The following MAPKBP1 variants were observed in gnomAD, a reference collection of about 807,000 sequenced individuals.
MAPKBP1 encodes mitogen-activated protein kinase binding protein 1.
MAPKBP1 carries 71 observed loss-of-function variants against 170.5 expected under a neutral mutation model. That is an observed-to-expected ratio of 0.42 (90% confidence interval 0.34 to 0.51). MAPKBP1 has a LOEUF of 0.51. Among genes scored for constraint, MAPKBP1 ranks in the 20% least tolerant of loss-of-function variants. MAPKBP1 has a pLI of 0.06. For synonymous variants in MAPKBP1, 719 were observed against 757.9 expected, an observed-to-expected ratio of 0.95 and a Z score of 0.84; for missense variants, 1,598 against 1,933.0, an observed-to-expected ratio of 0.83 and a Z score of 3.25.
At chr15:41,796,486 A>G (rs1218088086) in intron 2 of MAPKBP1, among the ~76,000 whole-genome samples, 1 of 152,194 alleles carries the variant, frequency 6.6e-6, no homozygotes, top group Non-Finnish European at 1.5e-5. Context: ...AGCTCAACGC[A>G]AAACCTCCCT....
chr15:41,779,719 A>G (rs2064153031), intron 2 of MAPKBP1, among the ~76,000 whole-genome samples: 1 of 152,146 alleles, frequency 6.6e-6, no homozygotes, highest in South Asian at 2.1e-4. Flanking sequence ...AGTGTTCAAT[A>G]CACACGCTCT....
At chr15:41,806,646 G>A (rs1164229407) in intron 3 of MAPKBP1, among the ~76,000 whole-genome samples, 2 of 152,228 alleles carry the variant, frequency 1.3e-5, no homozygotes. Flanking sequence ...CCTTCTGTGA[G>A]AGTGAGCAGC....
chr15:41,824,186 C>T (rs1256651024), intron 29 of MAPKBP1, 125 bp downstream of exon 29: 1 of 1,331,646 alleles, frequency 7.5e-7, no homozygotes, highest in East Asian at 2.3e-5. Flanking sequence ...CTGTCTGCTC[C>T]TGTCGCAGGT....
chr15:41,819,557 G>GGGGGCCCC, intron 21 of MAPKBP1, 38 bp from the exon 22 acceptor site: 1 of 1,384,604 alleles, frequency 7.2e-7, no homozygotes. Flanking sequence ...CGGGGGGGGG[G>GGGGGCCCC]CAGGAGACAC....
chr15:41,822,027 G>A lies in MAPKBP1; in HGVS notation c.2948G>A (p.Ser983Asn). Residue 983 changes from serine (S) to asparagine (N), a missense_variant, in exon 25 of 31, where the codon AGC (serine) becomes AAC (asparagine). Ser to Asn is a conservative substitution (Grantham distance 46). Around this residue, in one of 6 missense-constraint regions of MAPKBP1, gnomAD observed 942 missense variants for 953.2 expected, o/e 0.99. Coordinates refer to ENST00000457542, the MANE Select transcript of MAPKBP1 (RefSeq NM_014994.3). ...GGAAGAGTGTACCCAGGCAGCAGGA[G>A]CTCAGAAAAGCACAGCCCTGACAGT... is the stretch of plus-strand genomic sequence containing the variant. ...TLGRVYPGSRSSEKHSPDSAC... is the reference protein window; with the variant it reads ...TLGRVYPGSRNSEKHSPDSAC... The A allele has an allele frequency of 6.2e-7, 1 of 1,609,656 alleles. No individual in the cohort carries two copies. The highest frequency in any genetic ancestry group is 8.5e-7 in the Non-Finnish European group (1 of 1,177,952).
intron 29 of MAPKBP1, 78 bp downstream of exon 29, chr15:41,824,139 C>T (rs1189010035): frequency 6.6e-7 from 1 of 1,505,638 alleles, no homozygotes; most frequent in Non-Finnish European, 8.9e-7. Context: ...CTGGCTCCAT[C>T]CCATTTCTGT....
chr15:41,823,361 G>A, intron 28 of MAPKBP1, 86 bp from the exon 29 acceptor site: 1 of 1,549,856 alleles, frequency 6.5e-7, no homozygotes, highest in South Asian at 1.2e-5. Flanking sequence ...ATGTGGAGGG[G>A]AACAGCAGCT....
intron 12 of MAPKBP1, 53 bp from the exon 13 acceptor site, chr15:41,816,506 G>A (rs2064893951): frequency 1.6e-6 from 2 of 1,288,842 alleles, no homozygotes; most frequent in Non-Finnish European, 2.3e-6. Context: ...GGGGGCGTGA[G>A]TCCTTCCTGC....
chr15:41,824,631 T>C (rs753531670), intron 30 of MAPKBP1, 62 bp downstream of exon 30: 62 of 1,452,774 alleles, frequency 4.3e-5, no homozygotes, highest in Non-Finnish European at 5.4e-5. Context: ...GTGTTTCGGA[T>C]AACCATGTCC....
At chr15:41,819,547 C>CGGGGGGGGGGGGGGGGGGGGGGGGGGGG in intron 21 of MAPKBP1, 48 bp from the exon 22 acceptor site, 1 of 1,228,204 alleles carries the variant, frequency 8.1e-7, no homozygotes, top group Non-Finnish European at 1.1e-6. Flanking sequence ...GGTTGGGTGG[C>CGGGGGGGGGGGGGGGGGGGGGGGGGGGG]GGGGGGGGGG....
chr15:41,785,112 CT>C (rs2064261514), intron 2 of MAPKBP1, among the ~76,000 whole-genome samples: 1 of 152,128 alleles, frequency 6.6e-6, no homozygotes, highest in Non-Finnish European at 1.5e-5. Flanking sequence ...GTTGCTAATA[CT>C]ATCAGTGTCT....
Position 41,817,529 on chromosome 15 carries a change from A to G in MAPKBP1, c.1782+71A>G. 6.2e-7 allele frequency: 1 copy of G among 1,613,644 alleles called. No homozygotes were observed. Among genetic ancestry groups the G allele is most frequent in the South Asian group, 1.1e-5 (1 of 91,076 alleles). On this transcript the variant is annotated intron_variant, in intron 15 of 30. Transcript: ENST00000457542. The surrounding 1 kb of genome is among the most constrained non-coding windows in gnomAD (Gnocchi z 4.2). ...CTGCCATTCCCTGCCTAAGGTTACA[A>G]GAGGTGAAGGGAGGCGCAAGTAGGG...
At chr15:41,819,764 T>G in intron 22 of MAPKBP1, 114 bp downstream of exon 22, 1 of 1,052,192 alleles carries the variant, frequency 9.5e-7, no homozygotes, top group South Asian at 1.5e-5. Context: ...GCCCACATGC[T>G]GCACTCGTGT....
At chr15:41,822,193 G>A (rs1447618595) in intron 25 of MAPKBP1, 32 bp from the exon 26 acceptor site, 1 of 1,606,904 alleles carries the variant, frequency 6.2e-7, no homozygotes, top group South Asian at 1.1e-5. Flanking sequence ...GATGGGTGCA[G>A]TGCGATGCCT....
At chr15:41,797,654 G>C (rs1197970779) in intron 2 of MAPKBP1, among the ~76,000 whole-genome samples, 2 of 152,134 alleles carry the variant, frequency 1.3e-5, no homozygotes, top group Non-Finnish European at 2.9e-5. Context: ...TATAGAGAAG[G>C]CCAAAGTTAC....
At chr15:41,819,024 T>A in intron 20 of MAPKBP1, 67 bp downstream of exon 20, 1 of 1,592,834 alleles carries the variant, frequency 6.3e-7, no homozygotes, top group South Asian at 1.1e-5. Context: ...TCACTGCACT[T>A]CCTCCATGCT....
At position 41,825,756 on chromosome 15, in the gene MAPKBP1, C is replaced by T. The variant is rs548560957; in HGVS notation, c.*320C>T. On this transcript the variant is annotated 3_prime_UTR_variant, in exon 31 of 31. Coordinates refer to ENST00000457542, the MANE Select transcript of MAPKBP1 (RefSeq NM_014994.3). ...TCTAGGAATCTGGGAAGGGCTGGCC[C>T]TCTCTTAGAAGCCATTTGAAATTAC... The T allele has an allele frequency of 4.2e-4, 123 of 289,446 alleles. No homozygotes were observed. The highest frequency in any genetic ancestry group is 6.7e-4 in the Non-Finnish European group (103 of 153,780). 17.9% of individuals were successfully genotyped at this position (289,446 alleles called of 1,614,324 possible). A position where few individuals can be genotyped will look rare whatever the true frequency, so the allele number is the denominator to read the frequency against.
rs2065074944 is a variant in MAPKBP1, at chr15:41,825,440, C to T, written c.*4C>T. Reference sequence around the variant, plus strand: ...GCGTATGGAACGCAAACTCTGAGTTCTGGAAGCCTGTCCCAAGTGAATGAA... The same window carrying T: ...GCGTATGGAACGCAAACTCTGAGTTTTGGAAGCCTGTCCCAAGTGAATGAA... On this transcript the variant is annotated 3_prime_UTR_variant, in exon 31 of 31. Transcript: ENST00000457542. 1.3e-6 allele frequency: 2 copies of T among 1,594,490 alleles called. No individual in the cohort carries two copies. The highest frequency in any genetic ancestry group is 2.3e-5 in the East Asian group (1 of 44,280).
chr15:41,826,361 C>G lies in MAPKBP1; in HGVS notation c.*925C>G, dbSNP rs535638046. 1 of 152,544 alleles carries G rather than the reference C, an allele frequency of 6.6e-6. No individual in the cohort carries two copies. The highest frequency in any genetic ancestry group is 2.1e-4 in the South Asian group (1 of 4,832). 9.4% of individuals were successfully genotyped at this position (152,544 alleles called of 1,614,324 possible). A position where few individuals can be genotyped will look rare whatever the true frequency, so the allele number is the denominator to read the frequency against. The stretch of plus-strand genomic sequence containing the variant: ...TGGCCTACCTCCTGAGGACCTCAGC[C>G]ACAGATGAGATCACACGCATGCACG... On this transcript the variant is annotated 3_prime_UTR_variant, in exon 31 of 31. Transcript: ENST00000457542.
Sources: gnomAD v4.1 joint callset for allele counts (sites outside exome capture counted in the v4.1 genomes callset) on GRCh38, gnomAD v4.1.1 for gene constraint, gnomAD v4.1.1 regional missense constraint, Gnocchi (gnomAD v3.1) non-coding constraint, MANE v1.5 for transcripts, NCBI Gene and HGNC (gene_info 2026-07-23, HGNC 2026-07-21) for gene names.